CDKN3: variants seen among roughly 807,000 people sequenced by gnomAD.
CDKN3 encodes cyclin dependent kinase inhibitor 3, also known as cyclin-dependent kinase inhibitor 3.
CDKN3 carries 19 observed loss-of-function variants against 36.1 expected under a neutral mutation model. The observed-to-expected ratio is 0.53, with a 90% CI of 0.37 to 0.77. The LOEUF is 0.77. Ranked by LOEUF, CDKN3 falls within the 30% of genes least tolerant of loss-of-function variation. The probability of loss-of-function intolerance (pLI) is 0.00; values close to 1 mark genes in which losing one functional copy is unlikely to be tolerated. For missense variants in CDKN3, 188 were observed against 248.6 expected (o/e 0.76, Z 1.64); for synonymous variants, 71 against 85.3 (o/e 0.83, Z 0.92).
chr14:54,415,999 T>C lies in CDKN3; in HGVS notation c.448+69T>C. On this transcript the variant is annotated intron_variant, in intron 6 of 7. Coordinates refer to ENST00000335183, the MANE Select transcript of CDKN3 (RefSeq NM_005192.4). The stretch of plus-strand genomic sequence containing the variant: ...AAACTTCTGTTTCCAGACCATATGT[T>C]CATTTTGTATTAAAATGGAACCAAG... 3.5e-6 allele frequency: 4 copies of C among 1,134,792 alleles called. No individual in the cohort carries two copies. The Admixed American group carries it at 5.3e-5, about 15-fold the overall frequency. 70.3% of individuals were successfully genotyped at this position (1,134,792 alleles called of 1,614,324 possible).
At chr14:54,406,581 A>G (rs1284510669) in intron 3 of CDKN3, among the ~76,000 whole-genome samples, 1 of 151,556 alleles carries the variant, frequency 6.6e-6, no homozygotes, top group Non-Finnish European at 1.5e-5. Context: ...ACTTTATTTC[A>G]TTAAGTTGGT....
chr14:54,416,825 AAAT>A (rs370528933), intron 6 of CDKN3, among the ~76,000 whole-genome samples: 114 of 152,286 alleles, frequency 7.5e-4, no homozygotes, highest in African/African-American at 2.6e-3. Context: ...TCAAAAGAAA[AAAT>A]AATAATAATA....
intron 3 of CDKN3, among the ~76,000 whole-genome samples, 162 bp downstream of exon 3, chr14:54,401,741 A>C (rs571392413): frequency 6.6e-6 from 1 of 152,288 alleles, no homozygotes; most frequent in East Asian, 1.9e-4. Flanking sequence ...AGCAGTATAC[A>C]ATGTACCCAA....
chr14:54,407,685 A>G (rs779206339), intron 3 of CDKN3, among the ~76,000 whole-genome samples: 2 of 152,164 alleles, frequency 1.3e-5, no homozygotes, highest in Non-Finnish European at 2.9e-5. Flanking sequence ...ATAATGGTGG[A>G]TGCCCCTCCC....
rs144479038 is a variant in CDKN3, at chr14:54,411,612, A to G, written c.322A>G (p.Ile108Val). 725 of 1,612,974 alleles carry G rather than the reference A, an allele frequency of 4.5e-4. No homozygotes were observed. The highest frequency in any genetic ancestry group is 5.8e-4 in the Non-Finnish European group (683 of 1,178,928). Residue 108 changes from isoleucine (I) to valine (V), a missense_variant, in exon 5 of 8, where the codon ATC (isoleucine) becomes GTC (valine). Physicochemically the swap from Ile to Val is conservative, Grantham distance 29. Transcript: ENST00000335183. ...TGGAATTATCACCCATCATCATCCA[A>G]TCGCAGATGGAGGGACTCCTGACAT... is the stretch of plus-strand genomic sequence containing the variant. ...QCGIITHHHP[I>V]ADGGTPDIAS... is the part of the protein sequence containing the mutation.
chr14:54,415,442 G>C (rs1395226186), intron 5 of CDKN3, among the ~76,000 whole-genome samples: 1 of 152,222 alleles, frequency 6.6e-6, no homozygotes, highest in Non-Finnish European at 1.5e-5. Context: ...CTGAAGCCCA[G>C]GCAGTGGTGC....
At chr14:54,417,761 A>G (rs2030596828) in intron 6 of CDKN3, 87 bp from the exon 7 acceptor site, 3 of 660,822 alleles carry the variant, frequency 4.5e-6, no homozygotes, top group East Asian at 5.9e-5. Context: ...AGTCTTCTGT[A>G]TCAACAGAAG....
At chr14:54,418,000 C>A in intron 7 of CDKN3, 49 bp downstream of exon 7, 1 of 1,038,344 alleles carries the variant, frequency 9.6e-7, no homozygotes, top group Non-Finnish European at 1.5e-6. Context: ...GTCGTTGTTA[C>A]AAATACAGAT....
intron 4 of CDKN3, among the ~76,000 whole-genome samples, chr14:54,410,602 T>C (rs2030315902): frequency 6.6e-6 from 1 of 152,196 alleles, no homozygotes; most frequent in Non-Finnish European, 1.5e-5. Flanking sequence ...ACTGGCGACC[T>C]AGTCTATAAA....
chr14:54,408,677 G>A, intron 3 of CDKN3, 68 bp from the exon 4 acceptor site: 2 of 1,477,654 alleles, frequency 1.4e-6, no homozygotes, highest in Non-Finnish European at 1.8e-6. Flanking sequence ...AGCTATATAA[G>A]TGTTTAAACA....
In CDKN3 at chr14:54,400,238, A is replaced by ATAATATAGAG. The variant is rs869236133; in HGVS notation, c.92+265_92+266insTATAGAGTAA. ...TAACTCCATGATTCATTTACTCTTTATAAGACCCTTTTTTTTTTTTTGGCC... is the reference window on the plus strand; with the variant it reads ...TAACTCCATGATTCATTTACTCTTTATAATATAGAGTAAGACCCTTTTTTTTTTTTTGGCC... On this transcript the variant is annotated intron_variant, in intron 2 of 7. Transcript: ENST00000335183. 1.8e-3 allele frequency among the ~76,000 whole-genome samples: 27 copies of ATAATATAGAG among 14,656 alleles called. No individual in the cohort carries two copies. The East Asian group carries it at 0.039, about 21-fold the overall frequency. The allele number at this position is 14,656 out of a possible 152,430, so 9.6% of individuals were successfully genotyped here.
intron 5 of CDKN3, among the ~76,000 whole-genome samples, chr14:54,412,129 C>T (rs2030379171): frequency 6.6e-6 from 1 of 152,076 alleles, no homozygotes; most frequent in African/African-American, 2.4e-5. Flanking sequence ...GCCTGTAATC[C>T]CAGCATTTTG....
chr14:54,401,404 C>T, intron 2 of CDKN3, 120 bp from the exon 3 acceptor site: 1 of 588,290 alleles, frequency 1.7e-6, no homozygotes, highest in Non-Finnish European at 3.1e-6. Context: ...TACTTTGTGA[C>T]TACTGTAAAA....
chr14:54,412,944 A>G (rs1167257616), intron 5 of CDKN3: 2 of 487,682 alleles, frequency 4.1e-6, no homozygotes, highest in Admixed American at 4.3e-5. Flanking sequence ...TGGGGTTCTC[A>G]GGGCACCTAG....
intron 1 of CDKN3, among the ~76,000 whole-genome samples, chr14:54,398,023 C>T (rs1293108304): frequency 1.3e-5 from 2 of 152,144 alleles, no homozygotes; most frequent in Non-Finnish European, 2.9e-5. Context: ...CCCAGCTACT[C>T]GGGAGGCTGA....
chr14:54,400,372 T>G (rs1053170710), intron 2 of CDKN3, among the ~76,000 whole-genome samples: 7 of 152,020 alleles, frequency 4.6e-5, no homozygotes, highest in African/African-American at 1.7e-4. Context: ...AAGAATAATA[T>G]ACCAAATATG....
intron 3 of CDKN3, among the ~76,000 whole-genome samples, chr14:54,406,250 T>A (rs2030152883): frequency 6.6e-6 from 1 of 152,230 alleles, no homozygotes; most frequent in African/African-American, 2.4e-5. Context: ...ACCCAGCCTT[T>A]CTCTCTGGCT....
chr14:54,402,371 T>C (rs1030928807), intron 3 of CDKN3, among the ~76,000 whole-genome samples: 2 of 151,848 alleles, frequency 1.3e-5, no homozygotes, highest in Non-Finnish European at 2.9e-5. Context: ...TATTATACTT[T>C]ACAACCCCAC....
At chr14:54,402,079 G>A (rs372997799) in intron 3 of CDKN3, among the ~76,000 whole-genome samples, 45 of 152,004 alleles carry the variant, frequency 3.0e-4, no homozygotes, top group East Asian at 2.5e-3. Context: ...ATGGTGGCAC[G>A]TGCCTATAGT....
Sources: allele counts gnomAD v4.1 joint callset (sites outside exome capture counted in the v4.1 genomes callset), GRCh38; gene constraint gnomAD v4.1.1; transcripts MANE v1.5; gene names NCBI Gene and HGNC (gene_info 2026-07-23, HGNC 2026-07-21).